The following MANSC1 variants were observed in gnomAD, a reference collection of about 807,000 sequenced individuals.
MANSC1 encodes MANSC domain containing 1, also known as MANSC domain-containing protein 1.
In MANSC1, 13 loss-of-function variants were observed where a neutral mutation model predicts 14.1. That is an observed-to-expected ratio of 0.92 (90% CI 0.60 to 1.46). The LOEUF (loss-of-function observed/expected upper bound fraction) is 1.46, where lower values mean the gene tolerates loss of function less well. Among genes scored for constraint, MANSC1 ranks in the 40% most tolerant of loss-of-function variants. The pLI is 0.00. For synonymous variants in MANSC1, 227 were observed against 200.7 expected, an observed-to-expected ratio of 1.13 and a Z score of -1.11; for missense variants, 486 against 511.4, an observed-to-expected ratio of 0.95 and a Z score of 0.48.
chr12:12,344,969 T>TATATATA (rs1862991469), intron 1 of MANSC1, among the ~76,000 whole-genome samples: 7 of 55,196 alleles, frequency 1.3e-4, no homozygotes, highest in Non-Finnish European at 3.6e-5. Flanking sequence ...ATATATATAT[T>TATATATA]ACACTAGTTC....
At chr12:12,344,914 CCCAT>C (rs1862985791) in intron 1 of MANSC1, among the ~76,000 whole-genome samples, 2 of 49,344 alleles carry the variant, frequency 4.1e-5, no homozygotes, top group African/African-American at 7.6e-5. Context: ...TTAATAAACT[CCCAT>C]ATATATATAT....
intron 3 of MANSC1, among the ~76,000 whole-genome samples, chr12:12,336,815 T>C (rs1862864372): frequency 6.6e-6 from 1 of 152,162 alleles, no homozygotes; most frequent in Non-Finnish European, 1.5e-5. Context: ...AGCTACCACA[T>C]GGCCAGAACC....
At chr12:12,334,139 C>T (rs530047376) in intron 3 of MANSC1, among the ~76,000 whole-genome samples, 134 of 151,950 alleles carry the variant, frequency 8.8e-4, no homozygotes, top group Admixed American at 1.4e-3. Flanking sequence ...TCTGTAGTCC[C>T]AAATACTTGG....
rs746130134 is a variant in MANSC1 at position 12,330,543 on chromosome 12, G to A, written c.780C>T (p.Ser260=). The A allele has an allele frequency of 2.5e-6, 4 of 1,614,098 alleles. No individual in the cohort carries two copies. The highest frequency in any genetic ancestry group is 1.7e-5 in the Admixed American group (1 of 60,004). The stretch of plus-strand genomic sequence containing the variant: ...GAGCTGTGGTGGCCAGCTGTGGCTG[G>A]GAAGTCCCAGAAGGTGTCACTGAAG... The part of the protein sequence containing the change: ...TNASVTPSGT[S]QPQLATTAPP... The change falls in exon 4 of 4, where the codon TCC becomes TCT. Residue 260 remains serine (S), a synonymous_variant. Transcript: ENST00000535902.
Position 12,330,607 on chromosome 12 carries a change from G to T in MANSC1, c.716C>A (p.Ser239Ter). The change falls in exon 4 of 4, where the codon TCG (serine) becomes TAG (stop). Residue 239 changes from serine (S) to a stop codon, truncating the protein, a stop_gained. Transcript: ENST00000535902. LOFTEE classifies it low-confidence loss of function (END_TRUNC). ...AAGGGTGGCGGGCTTTGGAGTAGCC[G>T]AGGTGGTATGTGGAGAAGCAACTGC... ...TVAVASPHTT[S>*]ATPKPATLLP... The T allele has an allele frequency of 6.2e-7, 1 of 1,614,182 alleles. No homozygotes were observed.
chr12:12,330,194 A>G lies in MANSC1; in HGVS notation c.1129T>C (p.Tyr377His), dbSNP rs1348492629. Residue 377 changes from tyrosine to histidine, a missense_variant, in exon 4 of 4, where the codon TAC (tyrosine) becomes CAC (histidine). Coordinates refer to ENST00000535902, the MANE Select transcript of MANSC1 (RefSeq NM_018050.4). ...SSQGSVPENQ[Y>H]GLPFEKWLLI... ...AGCCATTTTTCAAATGGAAGGCCGT[A>G]CTGATTTTCTGGAACACTGCCCTGG... 1 of 1,614,108 alleles carries G rather than the reference A, an allele frequency of 6.2e-7. No individual in the cohort carries two copies. The highest frequency in any genetic ancestry group is 8.5e-7 in the Non-Finnish European group (1 of 1,180,048).
At chr12:12,338,784 G>C (rs886123966) in intron 2 of MANSC1, 8 of 574,858 alleles carry the variant, frequency 1.4e-5, no homozygotes, top group Non-Finnish European at 1.8e-5. Context: ...AGGTGGCACC[G>C]AAGGCGAAGA....
Position 12,332,237 on chromosome 12 carries a change from C to T in MANSC1, c.365-1279G>A, listed in dbSNP as rs559852122. ...CTGGCATTTCTCAGTCCACTCACTC[C>T]TGCTCTCTTTTCCTTTTTCTTCCTC... On this transcript the variant is annotated intron_variant, in intron 3 of 3. Transcript: ENST00000535902. 4.6e-5 allele frequency among the ~76,000 whole-genome samples: 7 copies of T among 152,332 alleles called. No individual in the cohort carries two copies. The South Asian group carries it at 1.4e-3, about 32-fold the overall frequency.
chr12:12,327,679 T>C lies in MANSC1; in HGVS notation c.*2348A>G, dbSNP rs1457032094. On this transcript the variant is annotated 3_prime_UTR_variant, in exon 4 of 4. Coordinates refer to ENST00000535902, the MANE Select transcript of MANSC1 (RefSeq NM_018050.4). ...TTCTGGCCTACATGTGGATATTCAA[T>C]AAATACTTGTTAAGTTAAATTGACT... is the stretch of plus-strand genomic sequence containing the variant. 1 of 152,238 alleles carries C rather than the reference T, an allele frequency of 6.6e-6. No homozygotes were observed. Among genetic ancestry groups the C allele is most frequent in the Non-Finnish European group, 1.5e-5 (1 of 68,040 alleles). 9.4% of individuals were successfully genotyped at this position (152,238 alleles called of 1,614,324 possible). A position where few individuals can be genotyped will look rare whatever the true frequency, so the allele number is the denominator to read the frequency against.
At chr12:12,335,488 G>A (rs575072122) in intron 3 of MANSC1, among the ~76,000 whole-genome samples, 22 of 151,786 alleles carry the variant, frequency 1.4e-4, no homozygotes, top group East Asian at 4.0e-4. Flanking sequence ...TTACAGGCAC[G>A]CACCAGCACA....
chr12:12,333,513 A>T (rs1413522833), intron 3 of MANSC1, among the ~76,000 whole-genome samples: 2 of 152,180 alleles, frequency 1.3e-5, no homozygotes, highest in African/African-American at 4.8e-5. Context: ...GGCCAGTCCC[A>T]CTTCTTGATA....
intron 3 of MANSC1, among the ~76,000 whole-genome samples, chr12:12,335,810 C>A (rs1862851286): frequency 6.6e-6 from 1 of 151,640 alleles, no homozygotes; most frequent in Non-Finnish European, 1.5e-5. Flanking sequence ...TCACTGAACT[C>A]CAGCCTGGGT....
intron 3 of MANSC1, among the ~76,000 whole-genome samples, chr12:12,336,712 G>T (rs1399987391): frequency 6.6e-6 from 1 of 151,926 alleles, no homozygotes; most frequent in Non-Finnish European, 1.5e-5. Flanking sequence ...ATTTTTTGTG[G>T]ATATGAGGTC....
chr12:12,338,289 A>T, intron 3 of MANSC1, 131 bp downstream of exon 3: 3 of 728,394 alleles, frequency 4.1e-6, no homozygotes, highest in Non-Finnish European at 6.1e-6. Context: ...TTGAATTTCC[A>T]GTCATGAGAT....
chr12:12,330,156 G>A lies in MANSC1; in HGVS notation c.1167C>T (p.Ser389=). ...LPFEKWLLIG[S]LLFGVLFLVI... ...CCAGGAACAGGACACCAAAGAGCAG[G>A]GACCCGATAAGAAGCCATTTTTCAA... Residue 389 remains serine (S), a synonymous_variant, in exon 4 of 4, where the codon TCC becomes TCT. Transcript: ENST00000535902. 1 of 1,614,112 alleles carries A rather than the reference G, an allele frequency of 6.2e-7. No individual in the cohort carries two copies. The highest frequency in any genetic ancestry group is 8.5e-7 in the Non-Finnish European group (1 of 1,180,036).
intron 1 of MANSC1, among the ~76,000 whole-genome samples, chr12:12,346,461 A>G (rs1488082589): frequency 6.6e-6 from 1 of 152,216 alleles, no homozygotes; most frequent in Non-Finnish European, 1.5e-5. Context: ...TGACTTCAAC[A>G]CTTACCGTAA....
chr12:12,343,517 T>C (rs545185283), intron 1 of MANSC1, 103 bp from the exon 2 acceptor site: 3 of 527,312 alleles, frequency 5.7e-6, no homozygotes, highest in Non-Finnish European at 1.0e-5. Context: ...CCACATACAA[T>C]TTAGAGAAGA....
intron 3 of MANSC1, 126 bp downstream of exon 3, chr12:12,338,294 T>G (rs896146921): frequency 5.3e-6 from 4 of 760,926 alleles, no homozygotes; most frequent in African/African-American, 1.8e-5. Flanking sequence ...TTTCCAGTCA[T>G]GAGATTTTCT....
chr12:12,326,625 T>TG lies in MANSC1; in HGVS notation c.*3401_*3402insC, dbSNP rs1457364487. ...TTAGTTTTTTTTTTGTTGTTGTTGTTTTGTTTTTTTTTTTGAGATGGGCTC... is the reference window on the plus strand; with the variant it reads ...TTAGTTTTTTTTTTGTTGTTGTTGTTGTTGTTTTTTTTTTTGAGATGGGCTC... On this transcript the variant is annotated 3_prime_UTR_variant, in exon 4 of 4. Coordinates refer to ENST00000535902, the MANE Select transcript of MANSC1 (RefSeq NM_018050.4). The TG allele has an allele frequency of 1.2e-5, 1 of 85,588 alleles. No individual in the cohort carries two copies. The highest frequency in any genetic ancestry group is 3.5e-5 in the Non-Finnish European group (1 of 28,804). The allele number at this position is 85,588 out of a possible 1,614,324, so 5.3% of individuals were successfully genotyped here.
Sources: allele counts gnomAD v4.1 joint callset (sites outside exome capture counted in the v4.1 genomes callset), GRCh38; gene constraint gnomAD v4.1.1; transcripts MANE v1.5; gene names NCBI Gene and HGNC (gene_info 2026-07-23, HGNC 2026-07-21).